The following ATG16L1 variants were observed in gnomAD, a reference collection of about 807,000 sequenced individuals.
The protein encoded by ATG16L1 is autophagy related 16 like 1, also known as autophagy-related protein 16-1.
In ATG16L1, 37 loss-of-function variants were observed where a neutral mutation model predicts 88.5. That is an observed-to-expected ratio of 0.42 (90% CI 0.32 to 0.55). ATG16L1 has a LOEUF of 0.55. Ranked by LOEUF, ATG16L1 falls within the 20% of genes least tolerant of loss-of-function variation. The pLI is 0.13. For missense variants in ATG16L1, 554 were observed against 752.8 expected, an observed-to-expected ratio of 0.74 and a Z score of 3.09; for synonymous variants, 301 against 281.0, an observed-to-expected ratio of 1.07 and a Z score of -0.71.
At chr2:233,270,124 GTTTTGT>G in intron 6 of ATG16L1, 57 bp downstream of exon 6, 1 of 1,485,876 alleles carries the variant, frequency 6.7e-7, no homozygotes, top group Non-Finnish European at 9.0e-7. Flanking sequence ...TCTCTTAAAA[GTTTTGT>G]TTTTATTTTT....
intron 1 of ATG16L1, among the ~76,000 whole-genome samples, chr2:233,252,874 AC>A (rs1696478719): frequency 6.6e-6 from 1 of 152,210 alleles, no homozygotes; most frequent in South Asian, 2.1e-4. Context: ...CTGAAAGTAA[AC>A]CTGACGACTT....
chr2:233,264,999 A>G lies in ATG16L1; in HGVS notation c.497A>G (p.Tyr166Cys), dbSNP rs1307622211. The change falls in exon 5 of 18, where the codon TAT becomes TGT. Residue 166 changes from tyrosine (Y) to cysteine (C), a missense_variant. Physicochemically the swap from Tyr to Cys is radical, Grantham distance 194. Transcript: ENST00000392017. Reference sequence around the variant, plus strand: ...GCCAACCAGACCCTGAAGGATGAATATGATGCCCTGCAGATCACTTTTACT... The same window carrying G: ...GCCAACCAGACCCTGAAGGATGAATGTGATGCCCTGCAGATCACTTTTACT... ...ERANQTLKDE[Y>C]DALQITFTAL... 1.9e-6 allele frequency: 3 copies of G among 1,614,106 alleles called. No individual in the cohort carries two copies. Among genetic ancestry groups the G allele is most frequent in the East Asian group, 2.2e-5 (1 of 44,906 alleles).
At chr2:233,267,815 CGGG>C (rs1032699292) in intron 5 of ATG16L1, among the ~76,000 whole-genome samples, 3 of 145,890 alleles carry the variant, frequency 2.1e-5, no homozygotes, top group Non-Finnish European at 4.4e-5. Flanking sequence ...GTGCAGTGGA[CGGG>C]GGGTAATGCA....
chr2:233,289,398 T>TGTGTGTGG, intron 12 of ATG16L1, among the ~76,000 whole-genome samples: 1 of 147,648 alleles, frequency 6.8e-6, no homozygotes, highest in Non-Finnish European at 1.5e-5. Context: ...TGTGTGTGTG[T>TGTGTGTGG]GTGTGTGTGT....
chr2:233,277,759 G>C, intron 10 of ATG16L1, 86 bp downstream of exon 10: 1 of 1,223,104 alleles, frequency 8.2e-7, no homozygotes, highest in Non-Finnish European at 1.2e-6. Flanking sequence ...GCTGGCATCT[G>C]GTTGACCTTG....
At chr2:233,293,780 G>C (rs1432392530) in intron 17 of ATG16L1, among the ~76,000 whole-genome samples, 1 of 152,080 alleles carries the variant, frequency 6.6e-6, no homozygotes, top group Admixed American at 6.5e-5. Context: ...CCACCTGATA[G>C]GCAGGCCCCA....
At chr2:233,293,114 G>A (rs1699574207) in intron 16 of ATG16L1, 142 bp from the exon 17 acceptor site, 1 of 732,586 alleles carries the variant, frequency 1.4e-6, no homozygotes, top group Non-Finnish European at 2.4e-6. Context: ...GAAGGGCCAT[G>A]ACTAGCACAC....
At chr2:233,257,709 G>C (rs1361384288) in intron 2 of ATG16L1, among the ~76,000 whole-genome samples, 5 of 152,058 alleles carry the variant, frequency 3.3e-5, no homozygotes, top group Non-Finnish European at 7.4e-5. Context: ...AACTAGATTA[G>C]AAAAATATCA....
At position 233,277,559 on chromosome 2, in the gene ATG16L1, G is replaced by A; in HGVS notation, c.955-9G>A. On this transcript the variant is annotated splice_polypyrimidine_tract_variant and intron_variant, in intron 9 of 17. Coordinates refer to ENST00000392017, the MANE Select transcript of ATG16L1 (RefSeq NM_030803.7). Reference sequence around the variant, plus strand: ...TGACTGGGTTTGACACAGGGTGCTTGTCTTGCAGGATGCACATGATGGGGA... The same window carrying A: ...TGACTGGGTTTGACACAGGGTGCTTATCTTGCAGGATGCACATGATGGGGA... The A allele has an allele frequency of 6.2e-7, 1 of 1,613,424 alleles. No individual in the cohort carries two copies. Among genetic ancestry groups the A allele is most frequent in the East Asian group, 2.2e-5 (1 of 44,878 alleles).
At chr2:233,281,730 G>A (rs1377420808) in intron 11 of ATG16L1, among the ~76,000 whole-genome samples, 3 of 152,202 alleles carry the variant, frequency 2.0e-5, no homozygotes, top group African/African-American at 7.2e-5. Context: ...GGCGAGTGCA[G>A]GAGCTTGGGT....
intron 5 of ATG16L1, among the ~76,000 whole-genome samples, chr2:233,266,732 A>G (rs1009610997): frequency 6.6e-6 from 1 of 152,250 alleles, no homozygotes. Flanking sequence ...CAATCTACAT[A>G]TTCATCATTG....
At chr2:233,290,029 T>C in intron 13 of ATG16L1, 55 bp downstream of exon 13, 2 of 1,599,892 alleles carry the variant, frequency 1.3e-6, no homozygotes, top group Non-Finnish European at 1.7e-6. Flanking sequence ...AGCGTGGAGG[T>C]GTGTGTTTGC....
chr2:233,265,503 T>C (rs999465130), intron 5 of ATG16L1, among the ~76,000 whole-genome samples: 1 of 152,208 alleles, frequency 6.6e-6, no homozygotes, highest in African/African-American at 2.4e-5. Context: ...AGAGTCTCGC[T>C]CTGTTGCCCA....
In ATG16L1 at chr2:233,253,340, GTTT is replaced by G. The variant is rs56151049; in HGVS notation, c.115+1417_115+1419del. Among the ~76,000 whole-genome samples, 4 of 108,642 alleles carry G rather than the reference GTTT, an allele frequency of 3.7e-5. No individual in the cohort carries two copies. In the East Asian group the frequency reaches 1.1e-3, roughly 30 times the overall value. The allele number at this position is 108,642 out of a possible 152,430, so 71.3% of individuals were successfully genotyped here. The stretch of plus-strand genomic sequence containing the variant: ...GTTAATGGTGAGACTGGGTTTTTTT[GTTT>G]TTTTTTTTTTTTTTTTTTGGAGACA... On this transcript the variant is annotated intron_variant, in intron 1 of 17. Transcript: ENST00000392017.
intron 1 of ATG16L1, 140 bp downstream of exon 1, chr2:233,252,082 G>A: frequency 1.7e-6 from 1 of 597,632 alleles, no homozygotes. Context: ...CGCTTGGGAC[G>A]CCGCACGCCT....
At chr2:233,269,203 C>G (rs182021046) in intron 5 of ATG16L1, among the ~76,000 whole-genome samples, 40 of 152,334 alleles carry the variant, frequency 2.6e-4, no homozygotes, top group Middle Eastern at 6.8e-3. Context: ...TTTCAAGAAT[C>G]TCACTATACC....
At chr2:233,294,062 T>C (rs1173441013) in intron 17 of ATG16L1, among the ~76,000 whole-genome samples, 195 bp from the exon 18 acceptor site, 2 of 152,180 alleles carry the variant, frequency 1.3e-5, no homozygotes, top group African/African-American at 4.8e-5. Context: ...CTTAATTAAG[T>C]ACACCACTGG....
At chr2:233,263,861 T>A in intron 3 of ATG16L1, 131 bp from the exon 4 acceptor site, 2 of 737,748 alleles carry the variant, frequency 2.7e-6, no homozygotes, top group Non-Finnish European at 2.2e-6. Context: ...TGTGTCCCCA[T>A]AGGCGCCTCG....
chr2:233,267,288 G>T (rs1464654715), intron 5 of ATG16L1, among the ~76,000 whole-genome samples: 1 of 152,242 alleles, frequency 6.6e-6, no homozygotes, highest in Non-Finnish European at 1.5e-5. Flanking sequence ...GGTGGAAGTT[G>T]CAGTGAGCCA....
Sources: allele counts gnomAD v4.1 joint callset (sites outside exome capture counted in the v4.1 genomes callset), GRCh38; gene constraint gnomAD v4.1.1; transcripts MANE v1.5; gene names NCBI Gene and HGNC (gene_info 2026-07-23, HGNC 2026-07-21).